The following TSC2 variants were observed in gnomAD, a reference collection of about 807,000 sequenced individuals.
The protein encoded by TSC2 is tuberin.
TSC2 carries 29 observed loss-of-function variants against 202.2 expected under a neutral mutation model. That is an observed-to-expected ratio of 0.14 (90% CI 0.11 to 0.20). The LOEUF is 0.20. TSC2 is among the 10% of genes least tolerant of loss of function. The probability of loss-of-function intolerance (pLI) is 1.00; values close to 1 mark genes in which losing one functional copy is unlikely to be tolerated. For missense variants in TSC2, 2,429 were observed against 2,420.0 expected, an observed-to-expected ratio of 1.00 and a Z score of -0.08; for synonymous variants, 1,349 against 1,044.0, an observed-to-expected ratio of 1.29 and a Z score of -5.63.
chr16:2,070,700 C>T (rs1441049058), intron 17 of TSC2, 122 bp downstream of exon 17: 3 of 1,494,046 alleles, frequency 2.0e-6, no homozygotes, highest in South Asian at 1.3e-5. Context: ...CTGACCGTCC[C>T]TCCTCTGCAC....
In TSC2 at chr16:2,076,153, G is replaced by C. The variant is rs2151388847; in HGVS notation, c.2725G>C (p.Val909Leu). The change falls in exon 24 of 42, where the codon GTC (valine) becomes CTC (leucine). Residue 909 changes from valine (V) to leucine (L), a missense_variant. By Grantham distance (32) the Val-to-Leu change is conservative. Coordinates refer to ENST00000219476, the MANE Select transcript of TSC2 (RefSeq NM_000548.5). ...CCGCCTGCCCTTCCGGAAGGATTTT[G>C]TCCCTTTCATCACTAAGGTGGGCTC... ...RCRLPFRKDF[V>L]PFITKGLRSN... 6.2e-7 allele frequency: 1 copy of C among 1,613,758 alleles called. No homozygotes were observed. Among genetic ancestry groups the C allele is most frequent in the Non-Finnish European group, 8.5e-7 (1 of 1,180,030 alleles).
chr16:2,077,123 C>T (rs1403192952), intron 25 of TSC2, among the ~76,000 whole-genome samples: 1 of 152,234 alleles, frequency 6.6e-6, no homozygotes, highest in Admixed American at 6.5e-5. Flanking sequence ...CCCCTGGGGG[C>T]CGGGGGCCAA....
At chr16:2,052,112 TTGTG>T in intron 3 of TSC2, among the ~76,000 whole-genome samples, 1 of 151,920 alleles carries the variant, frequency 6.6e-6, no homozygotes, top group African/African-American at 2.4e-5. Context: ...TGAAAGTTGT[TTGTG>T]TGGGTACGGG....
intron 9 of TSC2, 37 bp from the exon 10 acceptor site, chr16:2,058,710 C>T (rs771221462): frequency 1.1e-5 from 17 of 1,559,482 alleles, no homozygotes; most frequent in Non-Finnish European, 1.5e-5. Context: ...GGGACAGGGC[C>T]CTGCTCACAT....
At chr16:2,056,515 G>A (rs1376757952) in intron 7 of TSC2, 129 bp from the exon 8 acceptor site, 2 of 1,409,042 alleles carry the variant, frequency 1.4e-6, no homozygotes, top group African/African-American at 2.8e-5. Context: ...GTGGCTTGGA[G>A]AGAGGGTGCC....
intron 16 of TSC2, chr16:2,068,728 C>G (rs1487591293): frequency 6.6e-6 from 1 of 152,170 alleles, no homozygotes; most frequent in Non-Finnish European, 1.5e-5. Flanking sequence ...CAAAAATTAG[C>G]TGGATGCGGT....
chr16:2,073,288 G>A (rs1288402899), intron 21 of TSC2, among the ~76,000 whole-genome samples: 1 of 152,224 alleles, frequency 6.6e-6, no homozygotes, highest in African/African-American at 2.4e-5. Context: ...TGGCCATGCC[G>A]GTTGGTGGAG....
rs946673791 is a variant in TSC2, at chr16:2,079,325, C to G, written c.3181C>G (p.Leu1061Val). 1 of 1,613,056 alleles carries G rather than the reference C, an allele frequency of 6.2e-7. No individual in the cohort carries two copies. The highest frequency in any genetic ancestry group is 8.5e-7 in the Non-Finnish European group (1 of 1,180,028). The stretch of plus-strand genomic sequence containing the variant: ...AGCGGGTGGCAGGACCAAAACCTGG[C>G]TGGTTGGGAACAAGCTTGTCACTGT... ...LLAGGRTKTW[L>V]VGNKLVTVTT... The change falls in exon 28 of 42, where the codon CTG (leucine) becomes GTG (valine). Residue 1061 changes from leucine (L) to valine (V), a missense_variant. Leu to Val is a conservative substitution (Grantham distance 32). Coordinates refer to ENST00000219476, the MANE Select transcript of TSC2 (RefSeq NM_000548.5). This position sits in a 1 kb window ranked among gnomAD's most constrained non-coding sequence, Gnocchi z 4.6.
In TSC2 at chr16:2,076,621, G is replaced by A. The variant is rs776320441; in HGVS notation, c.2837+36G>A. 1.3e-5 allele frequency: 21 copies of A among 1,607,246 alleles called. No individual in the cohort carries two copies. The South Asian group carries it at 2.3e-4, about 18-fold the overall frequency. ...CGGGGGTGTGCCTGGAGTCGGTGTG[G>A]GGTGGGGAAGGACATGGGGCTGTGG... On this transcript the variant is annotated intron_variant, in intron 25 of 41. Transcript: ENST00000219476.
chr16:2,084,608 C>A lies in TSC2; in HGVS notation c.4386C>A (p.Thr1462=), dbSNP rs2151534904. The change falls in exon 34 of 42, where the codon ACC becomes ACA. Residue 1462 remains threonine (T), a synonymous_variant. Transcript: ENST00000219476. ...GTGGCCTCCGGCCCCGAGGTTACAC[C>A]ATCTCCGACTCGGCCCCATCACGCA... ...SPSGLRPRGY[T]ISDSAPSRRG... 2 of 1,602,924 alleles carry A rather than the reference C, an allele frequency of 1.2e-6. No individual in the cohort carries two copies. The highest frequency in any genetic ancestry group is 1.7e-6 in the Non-Finnish European group (2 of 1,179,668).
chr16:2,071,185 T>C (rs1046484419), intron 17 of TSC2, among the ~76,000 whole-genome samples: 1 of 152,190 alleles, frequency 6.6e-6, no homozygotes, highest in Non-Finnish European at 1.5e-5. Context: ...GGAGCTGAGC[T>C]CCGCTTTCTG....
intron 21 of TSC2, 58 bp downstream of exon 21, chr16:2,073,041 C>T (rs2088721617): frequency 6.2e-7 from 1 of 1,610,484 alleles, no homozygotes; most frequent in African/African-American, 1.3e-5. Flanking sequence ...GAGGGCCTGG[C>T]CCAGGTAGGC....
chr16:2,059,509 GTTT>G lies in TSC2; in HGVS notation c.975+658_975+660del, dbSNP rs34881847. Among the ~76,000 whole-genome samples, 391 of 63,550 alleles carry G rather than the reference GTTT, an allele frequency of 6.2e-3. 2 individuals carry two copies. The highest frequency in any genetic ancestry group is 0.024 in the African/African-American group (375 of 15,838). 41.7% of individuals were successfully genotyped at this position (63,550 alleles called of 152,430 possible). A position where few individuals can be genotyped will look rare whatever the true frequency, so the allele number is the denominator to read the frequency against. ...TGCCTGCCACAGTGCCTGGCTAATGGTTTTTTTTTTTTTTTTTTTTTTTTAATG... is the reference window on the plus strand; with the variant it reads ...TGCCTGCCACAGTGCCTGGCTAATGGTTTTTTTTTTTTTTTTTTTTTAATG... On this transcript the variant is annotated intron_variant, in intron 10 of 41. Transcript: ENST00000219476.
At chr16:2,069,807 C>G (rs756932755) in intron 16 of TSC2, among the ~76,000 whole-genome samples, 12 of 151,772 alleles carry the variant, frequency 7.9e-5, no homozygotes, top group Non-Finnish European at 1.6e-4. Flanking sequence ...TAGAGATGGG[C>G]TTTCTCCATG....
At chr16:2,085,198 C>G (rs765188460) in intron 35 of TSC2, 32 bp from the exon 36 acceptor site, 1 of 1,612,356 alleles carries the variant, frequency 6.2e-7, no homozygotes, top group South Asian at 1.1e-5. Context: ...GGACGGGCGT[C>G]TGGGGCTCAG....
intron 32 of TSC2, 44 bp from the exon 33 acceptor site, chr16:2,083,651 C>G: frequency 1.9e-6 from 3 of 1,557,404 alleles, no homozygotes; most frequent in Non-Finnish European, 2.6e-6. Context: ...GGGCCAGGGC[C>G]TGGCCCAGCC....
rs149543046 is a variant in TSC2 at position 2,070,560 on chromosome 16, G to A, written c.1821G>A (p.Ala607=). 616 of 1,613,032 alleles carry A rather than the reference G, an allele frequency of 3.8e-4. No individual in the cohort carries two copies. Among genetic ancestry groups the A allele is most frequent in the Non-Finnish European group, 4.0e-4 (474 of 1,180,034 alleles). ...AGCACAGCTACACCCTGCCAATCGCGAGCAGCATCCGGCTGCAGGTATGGT... is the reference window on the plus strand; with the variant it reads ...AGCACAGCTACACCCTGCCAATCGCAAGCAGCATCCGGCTGCAGGTATGGT... ...HYKHSYTLPI[A]SSIRLQAFDF... Residue 607 remains alanine (A), a synonymous_variant, in exon 17 of 42, where the codon GCG becomes GCA. Coordinates refer to ENST00000219476, the MANE Select transcript of TSC2 (RefSeq NM_000548.5).
chr16:2,073,567 A>C (rs996768252), intron 21 of TSC2, among the ~76,000 whole-genome samples: 3 of 151,796 alleles, frequency 2.0e-5, no homozygotes, highest in African/African-American at 7.3e-5. Context: ...TCAGCTTCTG[A>C]TGGTGGCCCT....
intron 16 of TSC2, among the ~76,000 whole-genome samples, chr16:2,069,933 T>C (rs2088003578): frequency 6.6e-6 from 1 of 152,150 alleles, no homozygotes; most frequent in Non-Finnish European, 1.5e-5. Flanking sequence ...CTTTCAATGA[T>C]TTTTTAATCA....
Sources: gnomAD v4.1 joint callset for allele counts (sites outside exome capture counted in the v4.1 genomes callset) on GRCh38, gnomAD v4.1.1 for gene constraint, Gnocchi (gnomAD v3.1) non-coding constraint, MANE v1.5 for transcripts, NCBI Gene and HGNC (gene_info 2026-07-23, HGNC 2026-07-21) for gene names.